The following PIK3C2G variants were observed in gnomAD, a reference collection of about 807,000 sequenced individuals.
PIK3C2G encodes the protein phosphatidylinositol-4-phosphate 3-kinase catalytic subunit type 2 gamma.
PIK3C2G carries 168 observed loss-of-function variants against 181.1 expected under a neutral mutation model. That is an observed-to-expected ratio of 0.93 (90% confidence interval 0.82 to 1.05). PIK3C2G has a LOEUF of 1.05. Ranked by LOEUF, PIK3C2G falls within the 50% of genes least tolerant of loss-of-function variation. The probability of loss-of-function intolerance (pLI) is 0.00; values close to 1 mark genes in which losing one functional copy is unlikely to be tolerated. For missense variants in PIK3C2G, 1,869 were observed against 1,732.8 expected (o/e 1.08, Z -1.40); for synonymous variants, 573 against 592.2 (o/e 0.97, Z 0.47).
chr12:18,561,118 A>G (rs756034302), intron 26 of PIK3C2G, among the ~76,000 whole-genome samples: 1 of 152,250 alleles, frequency 6.6e-6, no homozygotes, highest in Non-Finnish European at 1.5e-5. Flanking sequence ...CACTTCTTAA[A>G]GAATTTACTG....
the PIK3C2G span, chr12:18,700,064 TA>T: frequency 2.7e-5 from 24 of 889,570 alleles, no homozygotes; most frequent in Admixed American, 4.5e-5. Context: ...TTCATAAGAT[TA>T]TCTCCTCAAA....
intron 30 of PIK3C2G, among the ~76,000 whole-genome samples, chr12:18,598,035 G>T (rs1384801183): frequency 6.6e-6 from 1 of 152,138 alleles, no homozygotes; most frequent in Middle Eastern, 3.4e-3. Context: ...CATGCTCATG[G>T]GTAGGAAGAA....
intron 25 of PIK3C2G, among the ~76,000 whole-genome samples, chr12:18,545,985 A>G (rs1944401799): frequency 6.6e-6 from 1 of 151,966 alleles, no homozygotes; most frequent in Admixed American, 6.6e-5. Flanking sequence ...TCTCAAAATC[A>G]CATAGATTTT....
chr12:18,601,030 C>T (rs1947680211), intron 30 of PIK3C2G, among the ~76,000 whole-genome samples: 1 of 151,948 alleles, frequency 6.6e-6, no homozygotes, highest in African/African-American at 2.4e-5. Flanking sequence ...ACAGACCAAT[C>T]TCACTTAAGA....
intron 4 of PIK3C2G, among the ~76,000 whole-genome samples, chr12:18,292,420 A>C (rs78511609): frequency 0.018 from 2,680 of 151,516 alleles, 79 homozygotes; most frequent in African/African-American, 0.062. Context: ...TCCTTTGCTT[A>C]TCTAAAACAA....
At chr12:18,265,851 T>C (rs993877199) in intron 1 of PIK3C2G, among the ~76,000 whole-genome samples, 2 of 151,424 alleles carry the variant, frequency 1.3e-5, no homozygotes, top group African/African-American at 4.9e-5. Context: ...TCATCTCTAC[T>C]AAAAATATAA....
At chr12:18,547,958 A>T (rs1944520567) in intron 26 of PIK3C2G, among the ~76,000 whole-genome samples, 1 of 152,002 alleles carries the variant, frequency 6.6e-6, no homozygotes, top group Non-Finnish European at 1.5e-5. Context: ...GGAAAGCCTC[A>T]GGAAGAACAG....
intron 16 of PIK3C2G, among the ~76,000 whole-genome samples, chr12:18,400,874 T>TAA (rs1351199797): frequency 1.3e-5 from 2 of 151,946 alleles, no homozygotes; most frequent in African/African-American, 2.4e-5. Context: ...TTTATATATA[T>TAA]AATGGAATAT....
intron 24 of PIK3C2G, among the ~76,000 whole-genome samples, chr12:18,535,705 G>A (rs1943815750): frequency 6.6e-6 from 1 of 151,688 alleles, no homozygotes; most frequent in Non-Finnish European, 1.5e-5. Flanking sequence ...ATAGAGAGTA[G>A]GGTGGAAAAA....
the PIK3C2G span, chr12:18,700,002 A>C: frequency 8.8e-5 from 135 of 1,530,254 alleles, no homozygotes; most frequent in African/African-American, 1.5e-3. Context: ...ATTGGGAAAA[A>C]AAATTTTTTC....
At chr12:18,315,422 T>G (rs576494488) in intron 6 of PIK3C2G, among the ~76,000 whole-genome samples, 2 of 152,126 alleles carry the variant, frequency 1.3e-5, no homozygotes, top group Non-Finnish European at 2.9e-5. Flanking sequence ...GAAATCATCA[T>G]AGTTCATTGG....
In PIK3C2G at chr12:18,488,384, C is replaced by T. The variant is rs566287672; in HGVS notation, c.2505-65C>T. The T allele has an allele frequency of 4.0e-4, 445 of 1,113,262 alleles. 1 individual carries two copies. The highest frequency in any genetic ancestry group is 4.8e-4 in the Non-Finnish European group (397 of 821,276). The allele number at this position is 1,113,262 out of a possible 1,614,324, so 69.0% of individuals were successfully genotyped here. A position where few individuals can be genotyped will look rare whatever the true frequency, so the allele number is the denominator to read the frequency against. ...TTAGTTTGAAATGCACTTACTGTTC[C>T]GGCTGGATGTGGTTTAAAAAATTAG... is the stretch of plus-strand genomic sequence containing the variant. On this transcript the variant is annotated intron_variant, in intron 18 of 32. Coordinates refer to ENST00000538779, the MANE Select transcript of PIK3C2G (RefSeq NM_001288772.2).
intron 24 of PIK3C2G, among the ~76,000 whole-genome samples, chr12:18,516,721 T>G (rs2136163972): frequency 6.6e-6 from 1 of 152,130 alleles, no homozygotes; most frequent in East Asian, 1.9e-4. Context: ...GCTCACTGAC[T>G]TTTGTGTGAA....
rs141318666 is a variant in PIK3C2G, at chr12:18,289,804, G to A, written c.762-1051G>A. On this transcript the variant is annotated intron_variant, in intron 3 of 32. Transcript: ENST00000538779. Reference sequence around the variant, plus strand: ...ATAAAGCTTTAGTGCTACAAAAATAGCTATTAGGTTTGTGCAAAATTAACT... The same window carrying A: ...ATAAAGCTTTAGTGCTACAAAAATAACTATTAGGTTTGTGCAAAATTAACT... Among the ~76,000 whole-genome samples, 42 of 152,240 alleles carry A rather than the reference G, an allele frequency of 2.8e-4. No individual in the cohort carries two copies. In the East Asian group the frequency reaches 7.9e-3, roughly 29 times the overall value.
At chr12:18,460,315 T>C (rs1947846540) in intron 18 of PIK3C2G, among the ~76,000 whole-genome samples, 1 of 152,106 alleles carries the variant, frequency 6.6e-6, no homozygotes, top group Admixed American at 6.6e-5. Flanking sequence ...GGCTCACTCC[T>C]GTAATCTCAG....
At chr12:18,427,243 C>T (rs1277454107) in intron 18 of PIK3C2G, among the ~76,000 whole-genome samples, 2 of 151,590 alleles carry the variant, frequency 1.3e-5, no homozygotes, top group Admixed American at 6.6e-5. Flanking sequence ...TGGTGGCTCA[C>T]GTCTGTAATC....
At chr12:18,478,302 T>C (rs969082570) in intron 18 of PIK3C2G, among the ~76,000 whole-genome samples, 1 of 152,166 alleles carries the variant, frequency 6.6e-6, no homozygotes, top group Admixed American at 6.5e-5. Flanking sequence ...TGTTAGAGAC[T>C]TCCCATTTCT....
intron 24 of PIK3C2G, among the ~76,000 whole-genome samples, chr12:18,526,547 G>A (rs938928721): frequency 6.6e-5 from 10 of 152,068 alleles, no homozygotes; most frequent in African/African-American, 2.4e-4. Context: ...AACCTGAGAG[G>A]GTACGATTTT....
chr12:18,687,748 G>T, the PIK3C2G span, among the ~76,000 whole-genome samples: 1 of 152,020 alleles, frequency 6.6e-6, no homozygotes, highest in African/African-American at 2.4e-5. Flanking sequence ...ACAAATTTTT[G>T]ATTTAATACA....
Sources: allele counts gnomAD v4.1 joint callset (sites outside exome capture counted in the v4.1 genomes callset), GRCh38; gene constraint gnomAD v4.1.1; transcripts MANE v1.5; gene names NCBI Gene and HGNC (gene_info 2026-07-23, HGNC 2026-07-21).